ZNF41: variants seen among roughly 807,000 people sequenced by gnomAD.
ZNF41 encodes the protein zinc finger protein 41.
Under a neutral mutation model 9.3 loss-of-function variants are expected in ZNF41, and 6 were observed. The ratio of observed to expected loss-of-function variants is 0.65; its 90% CI spans 0.35 to 1.28. ZNF41 has a LOEUF of 1.28. Among genes scored for constraint, ZNF41 ranks in the 50% most tolerant of loss-of-function variants. ZNF41 has a pLI of 0.03. For missense variants in ZNF41, 523 were observed against 585.8 expected (o/e 0.89, Z 1.11); for synonymous variants, 192 against 207.1 (o/e 0.93, Z 0.63).
chrX:47,457,429 GAT>G (rs1010475185), intron 2 of ZNF41, among the ~76,000 whole-genome samples: 13 of 110,491 alleles, frequency 1.2e-4, no homozygotes, highest in African/African-American at 4.3e-4. Flanking sequence ...AAAAAGGATT[GAT>G]CACGAGGAAT....
intron 2 of ZNF41, among the ~76,000 whole-genome samples, chrX:47,464,558 C>T (rs1205721028): frequency 8.9e-6 from 1 of 111,887 alleles, no homozygotes; most frequent in Non-Finnish European, 1.9e-5. Flanking sequence ...AAATAATATT[C>T]CCCCCAGGGT....
chrX:47,459,850 A>G (rs1408328182), intron 2 of ZNF41, among the ~76,000 whole-genome samples: 1 of 109,103 alleles, frequency 9.2e-6, no homozygotes, highest in African/African-American at 3.3e-5. Flanking sequence ...TGCCAAAACA[A>G]TAACATTGTT....
intron 4 of ZNF41, among the ~76,000 whole-genome samples, chrX:47,455,421 C>CA (rs2056524425): frequency 1.8e-5 from 2 of 108,688 alleles, no homozygotes; most frequent in Non-Finnish European, 3.8e-5. Flanking sequence ...CACGTCTCTA[C>CA]AAAAAATACA....
intron 1 of ZNF41, among the ~76,000 whole-genome samples, chrX:47,474,876 TA>T (rs35807470): frequency 0.12 from 7,896 of 67,432 alleles, 767 homozygotes; most frequent in African/African-American, 0.3. Context: ...AGAACCTGTC[TA>T]AAAAAAAAAA....
rs775259836 is a variant in ZNF41 at position 47,467,500 on chromosome X, C to A, written c.-19G>T. 1 of 1,176,897 alleles carries A rather than the reference C, an allele frequency of 8.5e-7. No individual in the cohort carries two copies. Among genetic ancestry groups the A allele is most frequent in the Non-Finnish European group, 1.1e-6 (1 of 876,900 alleles). ...CTGCCATGTTCACGCTGGGCCTCAG[C>A]CCTCAGGCTCTCCTGCTGACAACCC... On this transcript the variant is annotated 5_prime_UTR_variant, in exon 2 of 5. Coordinates refer to ENST00000684689, the MANE Select transcript of ZNF41 (RefSeq NM_001324144.2).
At chrX:47,454,329 C>T (rs904658710) in intron 4 of ZNF41, among the ~76,000 whole-genome samples, 2 of 110,332 alleles carry the variant, frequency 1.8e-5, no homozygotes, top group Non-Finnish European at 1.9e-5. Flanking sequence ...AGATACCCTA[C>T]TGTTGCATCA....
intron 2 of ZNF41, among the ~76,000 whole-genome samples, chrX:47,457,697 G>A (rs977507900): frequency 9.0e-6 from 1 of 111,651 alleles, no homozygotes; most frequent in Non-Finnish European, 1.9e-5. Flanking sequence ...AAAATTAGCC[G>A]GGCACGGCGG....
intron 1 of ZNF41, among the ~76,000 whole-genome samples, chrX:47,481,332 G>T (rs1445816011): frequency 9.0e-6 from 1 of 111,516 alleles, no homozygotes; most frequent in Non-Finnish European, 1.9e-5. Context: ...AGCAACTTGG[G>T]AGGCTGAGGT....
At chrX:47,479,671 T>TA (rs1221198816) in intron 1 of ZNF41, among the ~76,000 whole-genome samples, 3 of 100,114 alleles carry the variant, frequency 3.0e-5, no homozygotes, top group Non-Finnish European at 6.1e-5. Context: ...ACAATGATGA[T>TA]AAAAACAAAG....
chrX:47,470,311 T>C (rs1246597319), intron 1 of ZNF41, among the ~76,000 whole-genome samples: 2 of 97,439 alleles, frequency 2.1e-5, no homozygotes, highest in Admixed American at 1.1e-4. Flanking sequence ...ACTCAGGAGG[T>C]TGAGGCAGGG....
chrX:47,452,971 C>T (rs2056421708), intron 4 of ZNF41, among the ~76,000 whole-genome samples: 1 of 112,357 alleles, frequency 8.9e-6, no homozygotes, highest in African/African-American at 3.2e-5. Context: ...AGTTATACTA[C>T]AAGAAATAGG....
At chrX:47,459,236 G>C (rs1281867443) in intron 2 of ZNF41, among the ~76,000 whole-genome samples, 2 of 109,052 alleles carry the variant, frequency 1.8e-5, no homozygotes, top group African/African-American at 6.7e-5. Context: ...TGTAGTCTCA[G>C]TTACTTGGGA....
chrX:47,451,386 T>C (rs968085786), intron 4 of ZNF41, among the ~76,000 whole-genome samples: 6 of 112,445 alleles, frequency 5.3e-5, no homozygotes, highest in Non-Finnish European at 3.8e-5. Flanking sequence ...TCACCCTTCC[T>C]TGCCTGCTCA....
intron 1 of ZNF41, among the ~76,000 whole-genome samples, chrX:47,480,441 A>AAAAATTGAAATAAATATATT (rs2147859470): frequency 9.0e-6 from 1 of 111,535 alleles, no homozygotes; most frequent in Non-Finnish European, 1.9e-5. Flanking sequence ...TTTAACTTTA[A>AAAAATTGAAATAAATATATT]AAAATTGAAA....
chrX:47,452,500 C>T (rs1261699363), intron 4 of ZNF41, among the ~76,000 whole-genome samples: 1 of 111,592 alleles, frequency 9.0e-6, no homozygotes, highest in Admixed American at 9.6e-5. Flanking sequence ...ATGGTTGTGC[C>T]CTCCCTACAA....
Position 47,447,581 on chromosome X carries a change from T to C in ZNF41, c.2189A>G (p.Gln730Arg). Reference sequence around the variant, plus strand: ...CTGATGCATACTTAGTGTGGCTTTCTGGATGAAAGCTTTCCCACATTTACT... The same window carrying C: ...CTGATGCATACTTAGTGTGGCTTTCCGGATGAAAGCTTTCCCACATTTACT... The part of the protein sequence containing the change: ...ECSKCGKAFI[Q>R]KATLSMHQII... The change falls in exon 5 of 5, where the codon CAG becomes CGG. Residue 730 changes from glutamine (Q) to arginine (R), a missense_variant. Physicochemically the swap from Gln to Arg is conservative, Grantham distance 43. Coordinates refer to ENST00000684689, the MANE Select transcript of ZNF41 (RefSeq NM_001324144.2). The C allele has an allele frequency of 8.3e-7, 1 of 1,211,944 alleles. No individual in the cohort carries two copies. Among genetic ancestry groups the C allele is most frequent in the Non-Finnish European group, 1.1e-6 (1 of 895,452 alleles).
At chrX:47,477,550 T>A (rs915785335) in intron 1 of ZNF41, among the ~76,000 whole-genome samples, 31 of 112,461 alleles carry the variant, frequency 2.8e-4, no homozygotes, top group Non-Finnish European at 4.7e-4. Flanking sequence ...GCCAAAAAAA[T>A]TTTTTAAAAC....
At position 47,448,720 on chromosome X, in the gene ZNF41, G is replaced by C; in HGVS notation, c.1050C>G (p.Thr350=). 8.3e-7 allele frequency: 1 copy of C among 1,211,359 alleles called. No homozygotes were observed. Among genetic ancestry groups the C allele is most frequent in the Non-Finnish European group, 1.1e-6 (1 of 895,449 alleles). The change falls in exon 5 of 5, where the codon ACC becomes ACG. Residue 350 remains threonine, a synonymous_variant. Transcript: ENST00000684689. ...CACTGCATTTGTAGGGTTTCTGCCC[G>C]GTATGAATTTTTTGATGTGTAATGA... ...SNLITHQKIH[T]GQKPYKCSEC...
intron 1 of ZNF41, among the ~76,000 whole-genome samples, chrX:47,468,957 C>CTGAGA (rs1300680292): frequency 1.8e-5 from 2 of 111,597 alleles, no homozygotes; most frequent in Admixed American, 1.9e-4. Context: ...GACAGAAGGA[C>CTGAGA]TGACATCCAA....
Sources: allele counts gnomAD v4.1 joint callset (sites outside exome capture counted in the v4.1 genomes callset), GRCh38; gene constraint gnomAD v4.1.1; transcripts MANE v1.5; gene names NCBI Gene and HGNC (gene_info 2026-07-23, HGNC 2026-07-21).